The following ERBB2 variants were observed in gnomAD, a reference collection of about 807,000 sequenced individuals.
ERBB2 encodes erb-b2 receptor tyrosine kinase 2.
A neutral mutation model predicts 149.0 loss-of-function variants in ERBB2; 61 were observed. That is an observed-to-expected ratio of 0.41 (90% CI 0.33 to 0.51). The LOEUF (loss-of-function observed/expected upper bound fraction) is 0.51, where lower values mean the gene tolerates loss of function less well. Ranked by LOEUF, ERBB2 falls within the 20% of genes least tolerant of loss-of-function variation. The probability of loss-of-function intolerance (pLI) is 0.25; values close to 1 mark genes in which losing one functional copy is unlikely to be tolerated. For missense variants in ERBB2, 1,205 were observed against 1,655.1 expected (o/e 0.73, Z 4.72); for synonymous variants, 633 against 678.8 (o/e 0.93, Z 1.05).
chr17:39,696,161 C>T (rs1431081638), upstream of ERBB2, among the ~76,000 whole-genome samples: 1 of 152,208 alleles, frequency 6.6e-6, no homozygotes, highest in African/African-American at 2.4e-5. Flanking sequence ...GAATCAGCAG[C>T]GCCCACCCCT....
intron 12 of ERBB2, 159 bp downstream of exon 12, chr17:39,716,098 G>A: frequency 1.0e-6 from 1 of 973,138 alleles, no homozygotes; most frequent in South Asian, 1.7e-5. Flanking sequence ...TCTTGGCATG[G>A]CTTCTCTAGC....
upstream of ERBB2, among the ~76,000 whole-genome samples, chr17:39,697,818 C>T (rs1407253261): frequency 2.6e-5 from 4 of 151,826 alleles, no homozygotes; most frequent in African/African-American, 4.8e-5. Flanking sequence ...CTCAGCCTCC[C>T]GAGTAGCTGG....
chr17:39,717,121 A>G (rs1243712932), intron 14 of ERBB2, 199 bp from the exon 15 acceptor site: 4 of 512,808 alleles, frequency 7.8e-6, no homozygotes, highest in Middle Eastern at 5.1e-4. Flanking sequence ...GTCCCTGCCC[A>G]GGATCAAGCT....
At chr17:39,709,214 G>A in intron 3 of ERBB2, 104 bp from the exon 4 acceptor site, 2 of 1,343,784 alleles carry the variant, frequency 1.5e-6, no homozygotes, top group Non-Finnish European at 1.0e-6. Context: ...GAATCTGGGG[G>A]TTGTTTAAAA....
Position 39,727,133 on chromosome 17 carries a change from TCTTA to T in ERBB2, c.3159+133_3159+136del. 1.6e-6 allele frequency: 2 copies of T among 1,227,144 alleles called. No individual in the cohort carries two copies. Among genetic ancestry groups the T allele is most frequent in the African/African-American group, 1.5e-5 (1 of 65,786 alleles). 76.0% of individuals were successfully genotyped at this position (1,227,144 alleles called of 1,614,324 possible). A position where few individuals can be genotyped will look rare whatever the true frequency, so the allele number is the denominator to read the frequency against. ...AAACCCCATTATCCCTACAAAAAAT[TCTTA>T]CTGCCTTCCAACCCCTGTGACCCCA... is the stretch of plus-strand genomic sequence containing the variant. On this transcript the variant is annotated intron_variant, in intron 25 of 26. Transcript: ENST00000269571. This position sits in a 1 kb window ranked among gnomAD's most constrained non-coding sequence, Gnocchi z 4.3.
chr17:39,700,439 G>T (rs977146087), intron 1 of ERBB2, 128 bp downstream of exon 1: 11 of 772,976 alleles, frequency 1.4e-5, no homozygotes, highest in Non-Finnish European at 1.9e-5. Context: ...GTTGTGGACA[G>T]TCGAGACGCT....
In ERBB2 at chr17:39,712,350, G is replaced by A. The variant is rs559242250; in HGVS notation, c.1050G>A (p.Leu350=). The A allele has an allele frequency of 6.2e-7, 1 of 1,600,200 alleles. No homozygotes were observed. Reference sequence around the variant, plus strand: ...GCTATGGTCTGGGCATGGAGCACTTGCGAGAGGTGAGGGCAGTTACCAGTG... The same window carrying A: ...GCTATGGTCTGGGCATGGAGCACTTACGAGAGGTGAGGGCAGTTACCAGTG... The part of the protein sequence containing the change: ...RVCYGLGMEH[L]REVRAVTSAN... Residue 350 remains leucine (L), a synonymous_variant, in exon 9 of 27, where the codon TTG becomes TTA. Coordinates refer to ENST00000269571, the MANE Select transcript of ERBB2 (RefSeq NM_004448.4).
In ERBB2 at chr17:39,725,978, C is replaced by T. The variant is rs2059735347; in HGVS notation, c.2872+125C>T. The T allele has an allele frequency of 2.1e-6, 2 of 963,850 alleles. No homozygotes were observed. The highest frequency in any genetic ancestry group is 5.2e-5 in the Admixed American group (2 of 38,754). The allele number at this position is 963,850 out of a possible 1,614,324, so 59.7% of individuals were successfully genotyped here. On this transcript the variant is annotated intron_variant, in intron 23 of 26. Transcript: ENST00000269571. This position sits in a 1 kb window ranked among gnomAD's most constrained non-coding sequence, Gnocchi z 4.6. The stretch of plus-strand genomic sequence containing the variant: ...CCAGGAGCCCTAGTATGTTAGGAGC[C>T]TCAAAACCTTCTTGTATCCCTTTTA...
chr17:39,696,148 A>G (rs2057858480), upstream of ERBB2, among the ~76,000 whole-genome samples: 2 of 152,098 alleles, frequency 1.3e-5, no homozygotes, highest in South Asian at 2.1e-4. Context: ...TAAGGAGGAA[A>G]TCGAATCAGC....
Position 39,728,176 on chromosome 17 carries a change from C to T in ERBB2, c.*132C>T. On this transcript the variant is annotated 3_prime_UTR_variant, in exon 27 of 27. Coordinates refer to ENST00000269571, the MANE Select transcript of ERBB2 (RefSeq NM_004448.4). ...GGAACCTGCCATGCCAGGAACCTGT[C>T]CTAAGGAACCTTCCTTCCTGCTTGA... is the stretch of plus-strand genomic sequence containing the variant. 1.6e-6 allele frequency: 1 copy of T among 631,896 alleles called. No individual in the cohort carries two copies. 39.1% of individuals were successfully genotyped at this position (631,896 alleles called of 1,614,324 possible).
In ERBB2 at chr17:39,708,433, C is replaced by T. The variant is rs2145441995; in HGVS notation, c.338C>T (p.Ala113Val). Residue 113 changes from alanine (A) to valine (V), a missense_variant, in exon 3 of 27, where the codon GCC becomes GTC. This residue lies in a region of ERBB2 where 569 missense variants were observed against 803.5 expected (regional missense o/e 0.71). Transcript: ENST00000269571. ...RGTQLFEDNY[A>V]LAVLDNGDPL... is the part of the protein sequence containing the mutation. ...ACCCAGCTCTTTGAGGACAACTATGCCCTGGCCGTGCTAGACAATGGAGAC... is the reference window on the plus strand; with the variant it reads ...ACCCAGCTCTTTGAGGACAACTATGTCCTGGCCGTGCTAGACAATGGAGAC... 1.9e-6 allele frequency: 3 copies of T among 1,614,194 alleles called. No individual in the cohort carries two copies. The highest frequency in any genetic ancestry group is 2.5e-6 in the Non-Finnish European group (3 of 1,179,996).
chr17:39,691,904 T>TATAC (rs2057714752), upstream of ERBB2, among the ~76,000 whole-genome samples: 5 of 114,536 alleles, frequency 4.4e-5, no homozygotes, highest in African/African-American at 1.4e-4. Flanking sequence ...GATATAGATA[T>TATAC]ATATACATAT....
upstream of ERBB2, among the ~76,000 whole-genome samples, chr17:39,697,442 G>A (rs1286071065): frequency 1.4e-5 from 2 of 143,238 alleles, no homozygotes; most frequent in Non-Finnish European, 3.0e-5. Flanking sequence ...CGCAACCTCC[G>A]CTTCCCAGGT....
upstream of ERBB2, among the ~76,000 whole-genome samples, chr17:39,695,793 A>G (rs1171541858): frequency 2.0e-5 from 3 of 147,200 alleles, no homozygotes; most frequent in South Asian, 2.1e-4. Flanking sequence ...TGGCTGGTCA[A>G]TGATTGACTG....
At position 39,725,621 on chromosome 17, in the gene ERBB2, GA is replaced by G; in HGVS notation, c.2726-85del. 1 of 1,446,012 alleles carries G rather than the reference GA, an allele frequency of 6.9e-7. No individual in the cohort carries two copies. The highest frequency in any genetic ancestry group is 9.4e-7 in the Non-Finnish European group (1 of 1,060,154). 89.6% of individuals were successfully genotyped at this position (1,446,012 alleles called of 1,614,324 possible). ...CACATCTCCCCCTGCTACCTGCCAT[GA>G]TGCTAGACTCCTGAGCAGAACCTCT... On this transcript the variant is annotated intron_variant, in intron 22 of 26. Transcript: ENST00000269571. This position sits in a 1 kb window ranked among gnomAD's most constrained non-coding sequence, Gnocchi z 4.6.
chr17:39,710,262 C>A (rs2058719184), intron 6 of ERBB2, 61 bp downstream of exon 6: 1 of 1,607,650 alleles, frequency 6.2e-7, no homozygotes, highest in East Asian at 2.2e-5. Context: ...GGGTGGGCAC[C>A]CTGCCTGGTA....
At chr17:39,705,861 G>T (rs532484779) in intron 1 of ERBB2, among the ~76,000 whole-genome samples, 1 of 152,178 alleles carries the variant, frequency 6.6e-6, no homozygotes, top group Non-Finnish European at 1.5e-5. Flanking sequence ...AGCAGTGACC[G>T]GCAGGAATTC....
chr17:39,720,824 A>G (rs2059409489), intron 16 of ERBB2, among the ~76,000 whole-genome samples: 1 of 151,986 alleles, frequency 6.6e-6, no homozygotes, highest in Admixed American at 6.6e-5. Context: ...TAATTTTTGT[A>G]TTTTTAGTAG....
At position 39,716,298 on chromosome 17, in the gene ERBB2, C is replaced by T. The variant is rs2145673612; in HGVS notation, c.1514-3C>T. The T allele has an allele frequency of 1.3e-6, 2 of 1,582,530 alleles. No homozygotes were observed. The highest frequency in any genetic ancestry group is 1.4e-5 in the African/African-American group (1 of 73,948). On this transcript the variant is annotated splice_polypyrimidine_tract_variant and splice_region_variant and intron_variant, in intron 12 of 26. Coordinates refer to ENST00000269571, the MANE Select transcript of ERBB2 (RefSeq NM_004448.4). ...CCCTGCGGTCCCTTCCTCCTCACTGCAGTGGGCGAGGGCCTGGCCTGCCAC... is the reference window on the plus strand; with the variant it reads ...CCCTGCGGTCCCTTCCTCCTCACTGTAGTGGGCGAGGGCCTGGCCTGCCAC...
Sources: gnomAD v4.1 joint callset for allele counts (sites outside exome capture counted in the v4.1 genomes callset) on GRCh38, gnomAD v4.1.1 for gene constraint, gnomAD v4.1.1 regional missense constraint, Gnocchi (gnomAD v3.1) non-coding constraint, MANE v1.5 for transcripts, NCBI Gene and HGNC (gene_info 2026-07-23, HGNC 2026-07-21) for gene names.